Variants in LRP1B observed in about 807,000 individuals in gnomAD.
The protein encoded by LRP1B is low-density lipoprotein receptor-related protein 1B.
In LRP1B, 217 loss-of-function variants were observed where a neutral mutation model predicts 556.6. The ratio of observed to expected loss-of-function variants is 0.39; its 90% CI spans 0.35 to 0.44. LRP1B has a LOEUF of 0.44. LRP1B is among the 20% of genes least tolerant of loss of function. The pLI, the probability that LRP1B is intolerant of heterozygous loss-of-function variation, is 1.00. For synonymous variants in LRP1B, 2,047 were observed against 1,865.8 expected (o/e 1.10, Z -2.50); for missense variants, 5,053 against 5,620.8 (o/e 0.90, Z 3.23).
At chr2:141,757,842 A>C (rs1694378249) in intron 2 of LRP1B, among the ~76,000 whole-genome samples, 1 of 152,122 alleles carries the variant, frequency 6.6e-6, no homozygotes, top group African/African-American at 2.4e-5. Context: ...TAGCCTCTTT[A>C]ACTAATTCTA....
intron 3 of LRP1B, among the ~76,000 whole-genome samples, chr2:141,285,995 AGGCGGAGCTTGCAGTG>A (rs1685705517): frequency 1.9e-5 from 2 of 107,878 alleles, no homozygotes; most frequent in Non-Finnish European, 3.7e-5. Flanking sequence ...TGAACCCGGG[AGGCGGAGCTTGCAGTG>A]AGCCAAGATC....
chr2:140,752,860 T>C (rs930806300), intron 35 of LRP1B, among the ~76,000 whole-genome samples: 13 of 152,186 alleles, frequency 8.5e-5, no homozygotes, highest in African/African-American at 3.1e-4. Context: ...TTACTAAAAT[T>C]GATAAATCTA....
chr2:140,938,800 T>C (rs1695307751), intron 20 of LRP1B, among the ~76,000 whole-genome samples: 1 of 128,334 alleles, frequency 7.8e-6, no homozygotes, highest in East Asian at 2.4e-4. Context: ...TTATCAACAG[T>C]GTCTTCTCAC....
intron 15 of LRP1B, among the ~76,000 whole-genome samples, chr2:140,994,399 G>GTGTT (rs1274694447): frequency 1.3e-5 from 2 of 151,332 alleles, no homozygotes; most frequent in Non-Finnish European, 3.0e-5. Context: ...ATGTGTGTGT[G>GTGTT]TGTGTGTGTG....
chr2:140,369,345 C>A (rs1269119631), intron 71 of LRP1B, among the ~76,000 whole-genome samples: 1 of 151,778 alleles, frequency 6.6e-6, no homozygotes, highest in African/African-American at 2.4e-5. Context: ...ATGAACTAGG[C>A]GGGTGGTAGT....
intron 7 of LRP1B, among the ~76,000 whole-genome samples, chr2:141,071,043 A>T (rs1227433530): frequency 6.6e-6 from 1 of 152,086 alleles, no homozygotes; most frequent in Non-Finnish European, 1.5e-5. Flanking sequence ...CCGGGCAGAG[A>T]CACAACCAAA....
intron 2 of LRP1B, among the ~76,000 whole-genome samples, chr2:141,762,439 G>A (rs1411570729): frequency 6.6e-6 from 1 of 151,976 alleles, no homozygotes; most frequent in East Asian, 1.9e-4. Flanking sequence ...TTTTGTAGAT[G>A]CTTTACATAG....
intron 2 of LRP1B, among the ~76,000 whole-genome samples, chr2:141,791,951 A>C (rs188586372): frequency 1.3e-5 from 2 of 152,116 alleles, no homozygotes; most frequent in Admixed American, 6.6e-5. Context: ...ATTCCCATGA[A>C]TCAAAATGCC....
rs1553485502 is a variant in LRP1B at position 141,923,487 on chromosome 2, T to TGTGTGTAG, written c.83-113087_83-113086insCTACACAC. ...GTGTGTGTGTGTGTGTGTGTGTGTG[T>TGTGTGTAG]AGAGAGAGGGAGGGAGGGGGAGAGA... is the stretch of plus-strand genomic sequence containing the variant. On this transcript the variant is annotated intron_variant, in intron 1 of 90. Coordinates refer to ENST00000389484, the MANE Select transcript of LRP1B (RefSeq NM_018557.3). Among the ~76,000 whole-genome samples the TGTGTGTAG allele has an allele frequency of 1.4e-4, 8 of 58,376 alleles. No individual in the cohort carries two copies. In the East Asian group the frequency reaches 4.7e-3, roughly 35 times the overall value. 38.3% of individuals were successfully genotyped at this position (58,376 alleles called of 152,430 possible).
intron 84 of LRP1B, among the ~76,000 whole-genome samples, chr2:140,296,105 A>G (rs992832356): frequency 1.3e-5 from 2 of 152,118 alleles, no homozygotes; most frequent in Non-Finnish European, 2.9e-5. Flanking sequence ...TCTAATTGGG[A>G]AGTCTGAAAT....
intron 3 of LRP1B, among the ~76,000 whole-genome samples, chr2:141,426,809 G>T (rs1165838977): frequency 6.6e-5 from 10 of 152,088 alleles, no homozygotes; most frequent in Admixed American, 5.9e-4. Context: ...AAGTAATCTG[G>T]TTTACACAGA....
At chr2:141,247,493 C>T in intron 4 of LRP1B, 139 bp from the exon 5 acceptor site, 1 of 875,082 alleles carries the variant, frequency 1.1e-6, no homozygotes, top group Admixed American at 2.4e-5. Context: ...TTCAAAACCA[C>T]ACTAACTAAA....
At chr2:141,023,782 AAACT>A in intron 11 of LRP1B, among the ~76,000 whole-genome samples, 2 of 152,170 alleles carry the variant, frequency 1.3e-5, no homozygotes, top group South Asian at 4.1e-4. Context: ...ATATAATAAG[AAACT>A]GACTAAAAAT....
intron 1 of LRP1B, among the ~76,000 whole-genome samples, chr2:142,031,399 A>G (rs1261091427): frequency 8.2e-6 from 1 of 122,408 alleles, no homozygotes; most frequent in East Asian, 3.7e-4. Flanking sequence ...GGTTAGTTAC[A>G]TATGTATACA....
At chr2:140,323,498 A>C (rs1680273097) in intron 81 of LRP1B, among the ~76,000 whole-genome samples, 1 of 152,012 alleles carries the variant, frequency 6.6e-6, no homozygotes. Context: ...TTAACACCTA[A>C]TGCTAAATGA....
chr2:140,953,871 TC>T (rs1695792053), intron 18 of LRP1B, among the ~76,000 whole-genome samples: 2 of 152,174 alleles, frequency 1.3e-5, no homozygotes, highest in African/African-American at 4.8e-5. Flanking sequence ...TTCATGAAGC[TC>T]CCCATCCAGC....
intron 89 of LRP1B, among the ~76,000 whole-genome samples, chr2:140,236,522 A>G (rs533394540): frequency 4.0e-4 from 61 of 151,014 alleles, no homozygotes; most frequent in Non-Finnish European, 8.0e-4. Context: ...CACAACTTTA[A>G]CTGGATAATT....
chr2:140,280,752 A>G (rs899140840), intron 84 of LRP1B, among the ~76,000 whole-genome samples: 1 of 151,828 alleles, frequency 6.6e-6, no homozygotes, highest in Non-Finnish European at 1.5e-5. Context: ...CCATCTCATA[A>G]GTTTTGAGCA....
intron 2 of LRP1B, among the ~76,000 whole-genome samples, chr2:141,544,535 C>T (rs1304048557): frequency 1.3e-5 from 2 of 151,594 alleles, no homozygotes; most frequent in Non-Finnish European, 2.9e-5. Flanking sequence ...CCCACCTTGG[C>T]CTCCCAAACT....
Sources: gnomAD v4.1 joint callset for allele counts (sites outside exome capture counted in the v4.1 genomes callset) on GRCh38, gnomAD v4.1.1 for gene constraint, MANE v1.5 for transcripts, NCBI Gene and HGNC (gene_info 2026-07-23, HGNC 2026-07-21) for gene names.